The following LTBP2 variants were observed in gnomAD, a reference collection of about 807,000 sequenced individuals.
LTBP2 encodes the protein latent transforming growth factor beta binding protein 2.
Under a neutral mutation model 210.6 loss-of-function variants are expected in LTBP2, and 103 were observed. That is an observed-to-expected ratio of 0.49 (90% CI 0.42 to 0.58). The LOEUF (loss-of-function observed/expected upper bound fraction) is 0.58. LTBP2 is among the 20% of genes least tolerant of loss of function. LTBP2 has a pLI of 0.00. For synonymous variants in LTBP2, 1,007 were observed against 1,015.0 expected (o/e 0.99, Z 0.15); for missense variants, 2,313 against 2,494.5 (o/e 0.93, Z 1.55).
intron 8 of LTBP2, among the ~76,000 whole-genome samples, chr14:74,538,406 G>A (rs2087450227): frequency 1.3e-5 from 2 of 152,032 alleles, no homozygotes; most frequent in Admixed American, 6.6e-5. Flanking sequence ...TCGGCATTGC[G>A]TTTTTTAATG....
At chr14:74,502,577 T>C (rs777806037) in intron 34 of LTBP2, 76 bp downstream of exon 34, 10 of 1,598,516 alleles carry the variant, frequency 6.3e-6, no homozygotes, top group Non-Finnish European at 7.7e-6. Flanking sequence ...GCTGGCAATA[T>C]GACTAGCAGG....
intron 1 of LTBP2, 25 bp downstream of exon 1, chr14:74,611,426 C>G: frequency 6.8e-7 from 1 of 1,471,290 alleles, no homozygotes; most frequent in Non-Finnish European, 8.9e-7. Flanking sequence ...TCTGTACCCT[C>G]CAAACTTCCC....
chr14:74,559,329 A>G (rs2087764576), intron 3 of LTBP2, among the ~76,000 whole-genome samples: 1 of 152,134 alleles, frequency 6.6e-6, no homozygotes, highest in South Asian at 2.1e-4. Context: ...ATTGTCACCT[A>G]CTACTCTAAT....
At chr14:74,571,497 G>A (rs535079651) in intron 3 of LTBP2, among the ~76,000 whole-genome samples, 1 of 152,360 alleles carries the variant, frequency 6.6e-6, no homozygotes, top group South Asian at 2.1e-4. Context: ...ATCACTCACT[G>A]TAGGCTGCAT....
chr14:74,513,870 A>G (rs1308241588), intron 18 of LTBP2, among the ~76,000 whole-genome samples: 1 of 152,176 alleles, frequency 6.6e-6, no homozygotes, highest in African/African-American at 2.4e-5. Flanking sequence ...TTGTTAACGC[A>G]GCATAACCTT....
chr14:74,580,450 A>G (rs561064500), intron 3 of LTBP2, among the ~76,000 whole-genome samples: 1 of 152,340 alleles, frequency 6.6e-6, no homozygotes, highest in South Asian at 2.1e-4. Context: ...GAAGAAGGCC[A>G]CGTGATGACT....
At position 74,586,128 on chromosome 14, in the gene LTBP2, C is replaced by T; in HGVS notation, c.566-10G>A. On this transcript the variant is annotated splice_polypyrimidine_tract_variant and intron_variant, in intron 2 of 35. Transcript: ENST00000261978. This position sits in a 1 kb window ranked among gnomAD's most constrained non-coding sequence, Gnocchi z 4.6. ...GGCGGCTCGCAAACGGCTGAGGACA[C>T]AGGGAGAGAGGTGACAGCAGTGGCC... 4 of 1,589,370 alleles carry T rather than the reference C, an allele frequency of 2.5e-6. No homozygotes were observed. The highest frequency in any genetic ancestry group is 3.4e-6 in the Non-Finnish European group (4 of 1,168,846).
chr14:74,559,500 T>G (rs1200028646), intron 3 of LTBP2, among the ~76,000 whole-genome samples: 1 of 152,190 alleles, frequency 6.6e-6, no homozygotes, highest in East Asian at 1.9e-4. Flanking sequence ...AGTCCCAGCC[T>G]AGGCCTCAGA....
At chr14:74,591,870 A>G (rs1011134468) in intron 2 of LTBP2, among the ~76,000 whole-genome samples, 2 of 152,168 alleles carry the variant, frequency 1.3e-5, no homozygotes, top group South Asian at 4.1e-4. Context: ...TCCCATCTAA[A>G]GAGTGTCTTT....
intron 2 of LTBP2, among the ~76,000 whole-genome samples, chr14:74,596,186 C>T (rs2139799596): frequency 6.6e-6 from 1 of 151,926 alleles, no homozygotes; most frequent in South Asian, 2.1e-4. Flanking sequence ...GATTGCGCCA[C>T]TGCACTCCAG....
chr14:74,593,009 G>T (rs191465129), intron 2 of LTBP2, among the ~76,000 whole-genome samples: 47 of 152,254 alleles, frequency 3.1e-4, no homozygotes, highest in Non-Finnish European at 2.9e-4. Flanking sequence ...TCCCAGCTTT[G>T]GGTGTTCCGC....
At chr14:74,592,803 A>G (rs1017776800) in intron 2 of LTBP2, among the ~76,000 whole-genome samples, 2 of 152,108 alleles carry the variant, frequency 1.3e-5, no homozygotes, top group African/African-American at 4.8e-5. Context: ...AGCCTGCGGG[A>G]GTTGATCTGC....
chr14:74,518,586 C>T (rs1416767137), intron 17 of LTBP2, among the ~76,000 whole-genome samples: 4 of 152,212 alleles, frequency 2.6e-5, no homozygotes, highest in African/African-American at 4.8e-5. Context: ...CTAATGGGAA[C>T]ATGCCTTATT....
At chr14:74,529,227 C>G (rs1197259704) in intron 10 of LTBP2, 105 bp from the exon 11 acceptor site, 1 of 1,329,740 alleles carries the variant, frequency 7.5e-7, no homozygotes, top group Non-Finnish European at 1.1e-6. Context: ...TGCACTCAGA[C>G]TGGCCTGGCC....
chr14:74,600,163 G>A (rs771088045), intron 2 of LTBP2, among the ~76,000 whole-genome samples: 2 of 152,168 alleles, frequency 1.3e-5, no homozygotes, highest in African/African-American at 2.4e-5. Flanking sequence ...CCCACCGCCC[G>A]CCTGCGTGGG....
At chr14:74,501,386 GC>G (rs2086908261) in intron 35 of LTBP2, 54 bp downstream of exon 35, 2 of 1,613,074 alleles carry the variant, frequency 1.2e-6, no homozygotes, top group Admixed American at 3.3e-5. Context: ...CTGAGTTCAG[GC>G]GTCTCTGTGG....
rs758040955 is a variant in LTBP2 at position 74,551,169 on chromosome 14, G to A, written c.1581C>T (p.Asn527=). The A allele has an allele frequency of 1.2e-6, 2 of 1,613,854 alleles. No individual in the cohort carries two copies. The highest frequency in any genetic ancestry group is 1.7e-6 in the Non-Finnish European group (2 of 1,180,032). ...ASPGHSLWDS[N]NIPARSGEPP... ...GCTCTCCAGACCGAGCAGGGATGTT[G>A]TTGCTGTCCCAGAGGCTGTGGCCAG... The change falls in exon 7 of 36, where the codon AAC becomes AAT. Residue 527 remains asparagine (N), a synonymous_variant. Transcript: ENST00000261978.
At chr14:74,515,869 T>C (rs1314712437) in intron 18 of LTBP2, among the ~76,000 whole-genome samples, 1 of 152,074 alleles carries the variant, frequency 6.6e-6, no homozygotes, top group African/African-American at 2.4e-5. Context: ...GAGGGAGGCA[T>C]TGGGAGGTGA....
At chr14:74,604,868 C>T (rs1024213233) in intron 1 of LTBP2, among the ~76,000 whole-genome samples, 22 of 152,296 alleles carry the variant, frequency 1.4e-4, no homozygotes, top group African/African-American at 5.1e-4. Context: ...ATTCACTCAG[C>T]TCCCCAAACT....
Sources: gnomAD v4.1 joint callset for allele counts (sites outside exome capture counted in the v4.1 genomes callset) on GRCh38, gnomAD v4.1.1 for gene constraint, Gnocchi (gnomAD v3.1) non-coding constraint, MANE v1.5 for transcripts, NCBI Gene and HGNC (gene_info 2026-07-23, HGNC 2026-07-21) for gene names.